Variants in ACER1 observed in about 807,000 individuals in gnomAD.
The protein encoded by ACER1 is alkaline ceramidase 1.
Under a neutral mutation model 24.9 loss-of-function variants are expected in ACER1, and 28 were observed. The observed-to-expected ratio is 1.13, with a 90% CI of 0.83 to 1.54. The LOEUF (loss-of-function observed/expected upper bound fraction) is 1.54. Ranked by LOEUF, ACER1 falls within the 40% of genes most tolerant of loss-of-function variation. The pLI is 0.00. For missense variants in ACER1, 352 were observed against 349.3 expected, an observed-to-expected ratio of 1.01 and a Z score of -0.06; for synonymous variants, 132 against 131.4, an observed-to-expected ratio of 1.00 and a Z score of -0.03.
At position 6,311,453 on chromosome 19, in the gene ACER1, G is replaced by A. The variant is rs185934568; in HGVS notation, c.350+696C>T. 1.2e-3 allele frequency among the ~76,000 whole-genome samples: 184 copies of A among 152,046 alleles called. 1 individual carries two copies. The highest frequency in any genetic ancestry group is 4.0e-3 in the African/African-American group (167 of 41,498). The stretch of plus-strand genomic sequence containing the variant: ...GCTACTCGGGAGGCTGAGGCAGGAG[G>A]ATCACTTGAACCCTGAAGGCAGAGG... On this transcript the variant is annotated intron_variant, in intron 3 of 5. Transcript: ENST00000301452.
the ACER1 span, among the ~76,000 whole-genome samples, chr19:6,338,808 C>T: frequency 6.6e-6 from 1 of 152,044 alleles, no homozygotes; most frequent in Non-Finnish European, 1.5e-5. Flanking sequence ...TTCCCGAGCT[C>T]AAGCGATCCT....
chr19:6,355,870 C>T, the ACER1 span, among the ~76,000 whole-genome samples: 2 of 148,312 alleles, frequency 1.3e-5, no homozygotes, highest in Admixed American at 6.6e-5. Flanking sequence ...CCCCGCCCGG[C>T]CAGCCGCCTC....
chr19:6,306,970 A>C, intron 5 of ACER1, 88 bp from the exon 6 acceptor site: 2 of 1,518,900 alleles, frequency 1.3e-6, no homozygotes, highest in Non-Finnish European at 1.8e-6. Flanking sequence ...GCTCTTGACC[A>C]TCCATCCAGG....
At chr19:6,356,476 T>A in the ACER1 span, among the ~76,000 whole-genome samples, 676 of 149,092 alleles carry the variant, frequency 4.5e-3, 5 homozygotes, top group Non-Finnish European at 6.9e-3. Flanking sequence ...AATAAAAAAA[T>A]AAATAAAATA....
chr19:6,359,617 CG>C, the ACER1 span, among the ~76,000 whole-genome samples: 10 of 151,924 alleles, frequency 6.6e-5, no homozygotes, highest in East Asian at 1.9e-3. Flanking sequence ...CACAACACCT[CG>C]CCTGAATCTG....
At chr19:6,310,800 C>T (rs892386185) in intron 3 of ACER1, among the ~76,000 whole-genome samples, 1 of 148,234 alleles carries the variant, frequency 6.7e-6, no homozygotes, top group Non-Finnish European at 1.5e-5. Flanking sequence ...ATCGCTTGAG[C>T]CTGGGAATTG....
intron 3 of ACER1, among the ~76,000 whole-genome samples, chr19:6,311,230 G>A (rs2091578321): frequency 6.6e-6 from 1 of 151,926 alleles, no homozygotes; most frequent in South Asian, 2.1e-4. Context: ...TGGGCTGGGG[G>A]GGTCCTGGAG....
chr19:6,350,479 G>A, the ACER1 span, among the ~76,000 whole-genome samples: 1 of 152,116 alleles, frequency 6.6e-6, no homozygotes, highest in Non-Finnish European at 1.5e-5. Flanking sequence ...GCTGAGGCAG[G>A]AGAATCACTT....
chr19:6,335,503 G>A (rs1048627099), upstream of ACER1, among the ~76,000 whole-genome samples: 2 of 151,906 alleles, frequency 1.3e-5, no homozygotes, highest in Admixed American at 6.6e-5. Context: ...GATTACAGGC[G>A]TGAGCCACTG....
Position 6,312,278 on chromosome 19 carries a change from ATGG to A in ACER1, c.218_220del (p.Ser73_Met74delinsLeu). 1 of 1,614,088 alleles carries A rather than the reference ATGG, an allele frequency of 6.2e-7. No homozygotes were observed. The highest frequency in any genetic ancestry group is 8.5e-7 in the Non-Finnish European group (1 of 1,179,970). On this transcript the variant is annotated inframe_deletion, in exon 3 of 6. Transcript: ENST00000301452. ...GAAGCTGAGCGTCATGTGGAAATAC[ATGG>A]AGAACAGGCCTGCAGCGGCAAGGGC...
chr19:6,308,625 G>C (rs766061352), intron 4 of ACER1, among the ~76,000 whole-genome samples: 20 of 152,112 alleles, frequency 1.3e-4, no homozygotes, highest in South Asian at 6.2e-4. Flanking sequence ...CAAGCCCTTT[G>C]GTGCTTGTAT....
At chr19:6,354,969 C>T in the ACER1 span, among the ~76,000 whole-genome samples, 17 of 152,226 alleles carry the variant, frequency 1.1e-4, 1 homozygote, top group South Asian at 2.3e-3. Flanking sequence ...ATTGCAGGCG[C>T]GCGCCACCAC....
intron 3 of ACER1, among the ~76,000 whole-genome samples, chr19:6,310,109 A>G (rs2091570823): frequency 6.7e-6 from 1 of 149,894 alleles, no homozygotes; most frequent in Admixed American, 6.7e-5. Context: ...TTTTTTTGAG[A>G]CGGAGTCTCG....
intron 1 of ACER1, among the ~76,000 whole-genome samples, chr19:6,313,742 G>C (rs1177247757): frequency 6.6e-6 from 1 of 152,236 alleles, no homozygotes; most frequent in Non-Finnish European, 1.5e-5. Flanking sequence ...AAATGATACT[G>C]TGTGACTTCT....
At chr19:6,325,040 C>T (rs549248411) in intron 1 of ACER1, among the ~76,000 whole-genome samples, 2 of 152,234 alleles carry the variant, frequency 1.3e-5, no homozygotes, top group Non-Finnish European at 2.9e-5. Flanking sequence ...CTTCCCTACT[C>T]GAGCCGCCCC....
intron 1 of ACER1, among the ~76,000 whole-genome samples, chr19:6,323,956 G>A (rs78639790): frequency 0.012 from 1,760 of 152,274 alleles, 47 homozygotes; most frequent in African/African-American, 0.04. Context: ...GGAGACTCAG[G>A]AGAGGAGGTG....
chr19:6,349,368 A>AGAAGGAGGGAGGGAAG, the ACER1 span, among the ~76,000 whole-genome samples: 1 of 139,498 alleles, frequency 7.2e-6, no homozygotes, highest in Non-Finnish European at 1.6e-5. Flanking sequence ...AGGGAGGGAC[A>AGAAGGAGGGAGGGAAG]GAAGGAGGGA....
chr19:6,346,572 A>G, the ACER1 span, among the ~76,000 whole-genome samples: 1 of 136,522 alleles, frequency 7.3e-6, no homozygotes, highest in African/African-American at 2.8e-5. Flanking sequence ...GCTGGAGTGC[A>G]GTGCTGCAAT....
intron 3 of ACER1, among the ~76,000 whole-genome samples, chr19:6,311,898 G>C (rs749230886): frequency 9.9e-5 from 15 of 152,114 alleles, no homozygotes; most frequent in Non-Finnish European, 1.9e-4. Context: ...ACAGATTCTG[G>C]AGGAAGTCCC....
Sources: allele counts gnomAD v4.1 joint callset (sites outside exome capture counted in the v4.1 genomes callset), GRCh38; gene constraint gnomAD v4.1.1; transcripts MANE v1.5; gene names NCBI Gene and HGNC (gene_info 2026-07-23, HGNC 2026-07-21).